KIF1A: variants seen among roughly 807,000 people sequenced by gnomAD.
KIF1A encodes the protein kinesin family member 1A.
A neutral mutation model predicts 227.3 loss-of-function variants in KIF1A; 46 were observed. The ratio of observed to expected loss-of-function variants is 0.20; its 90% CI spans 0.16 to 0.26. The LOEUF is 0.26. KIF1A is among the 10% of genes least tolerant of loss of function. KIF1A has a pLI of 1.00. For synonymous variants in KIF1A, 1,022 were observed against 1,012.8 expected (o/e 1.01, Z -0.17); for missense variants, 1,683 against 2,485.9 (o/e 0.68, Z 6.87).
chr2:240,723,309 GC>G, intron 42 of KIF1A, 103 bp downstream of exon 42: 2 of 1,163,264 alleles, frequency 1.7e-6, no homozygotes, highest in Non-Finnish European at 2.4e-6. Flanking sequence ...CAGCTGTGCT[GC>G]CCCCCAGTAG....
At chr2:240,741,144 A>G in intron 35 of KIF1A, 125 bp downstream of exon 35, 9 of 652,666 alleles carry the variant, frequency 1.4e-5, no homozygotes, top group Non-Finnish European at 1.1e-5. Context: ...AGAGGTCTGC[A>G]GTGAACACCC....
intron 38 of KIF1A, among the ~76,000 whole-genome samples, chr2:240,731,393 C>T (rs571322526): frequency 2.0e-5 from 3 of 152,318 alleles, no homozygotes; most frequent in African/African-American, 7.2e-5. Flanking sequence ...TCGGATGCGG[C>T]TCTGGCCCTG....
At chr2:240,744,161 T>TAG in intron 32 of KIF1A, 101 bp from the exon 33 acceptor site, 1 of 825,926 alleles carries the variant, frequency 1.2e-6, no homozygotes, top group Non-Finnish European at 2.1e-6. Context: ...GGCCCAGATC[T>TAG]GGGACCCCTA....
chr2:240,806,920 GGAAA>G (rs1302596610), intron 1 of KIF1A, among the ~76,000 whole-genome samples: 2 of 151,996 alleles, frequency 1.3e-5, no homozygotes, highest in Non-Finnish European at 2.9e-5. Flanking sequence ...TGAGAATGGA[GGAAA>G]GAGAGGGAAA....
chr2:240,717,633 G>A (rs2044714099), intron 48 of KIF1A, among the ~76,000 whole-genome samples: 1 of 152,212 alleles, frequency 6.6e-6, no homozygotes, highest in African/African-American at 2.4e-5. Context: ...CTGTGGGAGG[G>A]ACCAGCTCCT....
At chr2:240,734,287 G>T (rs2047070812) in intron 38 of KIF1A, among the ~76,000 whole-genome samples, 1 of 152,246 alleles carries the variant, frequency 6.6e-6, no homozygotes, top group African/African-American at 2.4e-5. Context: ...CAGGGAGAGG[G>T]GAGCGGGGCT....
intron 1 of KIF1A, among the ~76,000 whole-genome samples, chr2:240,807,734 T>C (rs990360363): frequency 1.1e-4 from 17 of 152,098 alleles, no homozygotes; most frequent in African/African-American, 4.1e-4. Flanking sequence ...TTGAGAAAGA[T>C]TATAGACCAG....
At chr2:240,738,818 C>G (rs1229807934) in intron 37 of KIF1A, among the ~76,000 whole-genome samples, 1 of 152,236 alleles carries the variant, frequency 6.6e-6, no homozygotes, top group Non-Finnish European at 1.5e-5. Context: ...TCCTTTCAAC[C>G]ATGCAGATCC....
At chr2:240,773,043 T>C in intron 13 of KIF1A, 71 bp downstream of exon 13, 1 of 1,475,136 alleles carries the variant, frequency 6.8e-7, no homozygotes, top group South Asian at 1.3e-5. Context: ...AGAGAGGATG[T>C]GATGACCTGC....
rs747394070 is a variant in KIF1A at position 240,763,150 on chromosome 2, G to A, written c.1949+16C>T. On this transcript the variant is annotated intron_variant, in intron 21 of 48. Coordinates refer to ENST00000498729, the MANE Select transcript of KIF1A (RefSeq NM_001244008.2). ...CAGGAGGGGCAGCAGGCAGTTGGGG[G>A]TGGCCTCCGCCTCACCTCTGCTCCA... is the stretch of plus-strand genomic sequence containing the variant. 3.1e-6 allele frequency: 5 copies of A among 1,606,436 alleles called. No individual in the cohort carries two copies. In the African/African-American group the frequency reaches 4.0e-5, roughly 13 times the overall value.
In KIF1A at chr2:240,783,733, C is replaced by A; in HGVS notation, c.798+6G>T. 6.4e-7 allele frequency: 1 copy of A among 1,565,412 alleles called. No homozygotes were observed. The highest frequency in any genetic ancestry group is 8.7e-7 in the Non-Finnish European group (1 of 1,154,880). ...ACGGGTCCCCGCATGGCGGCCTGGC[C>A]CCTACCTTGAGGCGCGTGCCCTTGG... On this transcript the variant is annotated splice_donor_region_variant and intron_variant, in intron 8 of 48. Coordinates refer to ENST00000498729, the MANE Select transcript of KIF1A (RefSeq NM_001244008.2).
intron 38 of KIF1A, among the ~76,000 whole-genome samples, chr2:240,729,588 G>A (rs1436664042): frequency 6.6e-6 from 1 of 152,214 alleles, no homozygotes; most frequent in Non-Finnish European, 1.5e-5. Flanking sequence ...AGGAGCAAGT[G>A]GACTCTGCTG....
Position 240,719,840 on chromosome 2 carries a change from C to G in KIF1A, c.4955G>C (p.Arg1652Pro), listed in dbSNP as rs376658420. The G allele has an allele frequency of 6.2e-7, 1 of 1,611,390 alleles. No individual in the cohort carries two copies. The highest frequency in any genetic ancestry group is 8.5e-7 in the Non-Finnish European group (1 of 1,179,110). Reference sequence around the variant, plus strand: ...GGGCTCCTTGTCTGTCTCTGTTGCCCGGGCAGGGGAAGGGAGCTTCTTGGA... The same window carrying G: ...GGGCTCCTTGTCTGTCTCTGTTGCCGGGGCAGGGGAAGGGAGCTTCTTGGA... ...ADSKKLPSPA[R>P]ATETDKEPQR... Residue 1652 changes from arginine to proline, a missense_variant, in exon 46 of 49, where the codon CGG (arginine) becomes CCG (proline). By Grantham distance (103) the Arg-to-Pro change is moderately radical. This residue lies in a region of KIF1A where 384 missense variants were observed against 410.1 expected (regional missense o/e 0.94). Coordinates refer to ENST00000498729, the MANE Select transcript of KIF1A (RefSeq NM_001244008.2).
At chr2:240,747,144 TG>T in intron 29 of KIF1A, 91 bp downstream of exon 29, 1 of 860,214 alleles carries the variant, frequency 1.2e-6, no homozygotes, top group Non-Finnish European at 1.9e-6. Context: ...GCCCGTGGGA[TG>T]GGACACAGGG....
intron 27 of KIF1A, among the ~76,000 whole-genome samples, chr2:240,750,838 G>A (rs918142741): frequency 2.0e-5 from 3 of 152,278 alleles, no homozygotes; most frequent in Non-Finnish European, 2.9e-5. Context: ...GGGAGCAGCC[G>A]AGGAGGGAGG....
chr2:240,724,204 G>A (rs2045725742), intron 40 of KIF1A, 168 bp from the exon 41 acceptor site: 1 of 661,430 alleles, frequency 1.5e-6, no homozygotes, highest in Non-Finnish European at 2.8e-6. Flanking sequence ...CCTCATCCCA[G>A]ACTCCCTCCG....
At chr2:240,745,338 G>A in intron 32 of KIF1A, 89 bp downstream of exon 32, 6 of 1,050,094 alleles carry the variant, frequency 5.7e-6, no homozygotes, top group Non-Finnish European at 8.8e-6. Context: ...CACAACTGGT[G>A]TTCAGAAGAG....
At chr2:240,781,752 A>T in intron 10 of KIF1A, 2 of 984,938 alleles carry the variant, frequency 2.0e-6, no homozygotes, top group Non-Finnish European at 2.4e-6. Context: ...ACAGTTCCCC[A>T]CACAGTTCCC....
At chr2:240,742,898 G>C (rs1364208318) in intron 34 of KIF1A, 31 bp downstream of exon 34, 1 of 1,596,124 alleles carries the variant, frequency 6.3e-7, no homozygotes, top group Non-Finnish European at 8.6e-7. Context: ...GGAGCTCACT[G>C]CCCTGAGACG....
Sources: gnomAD v4.1 joint callset for allele counts (sites outside exome capture counted in the v4.1 genomes callset) on GRCh38, gnomAD v4.1.1 for gene constraint, gnomAD v4.1.1 regional missense constraint, MANE v1.5 for transcripts, NCBI Gene and HGNC (gene_info 2026-07-23, HGNC 2026-07-21) for gene names.